The following ZNF804B variants were observed in gnomAD, a reference collection of about 807,000 sequenced individuals.
The protein encoded by ZNF804B is zinc finger protein 804B.
In ZNF804B, 80 loss-of-function variants were observed where a neutral mutation model predicts 101.4. The observed-to-expected ratio is 0.79, with a 90% CI of 0.66 to 0.95. ZNF804B has a LOEUF of 0.95. ZNF804B is among the 40% of genes least tolerant of loss of function. The probability of loss-of-function intolerance (pLI) is 0.00; values close to 1 mark genes in which losing one functional copy is unlikely to be tolerated. For missense variants in ZNF804B, 1,673 were observed against 1,561.9 expected (o/e 1.07, Z -1.20); for synonymous variants, 622 against 558.8 (o/e 1.11, Z -1.59).
At chr7:88,818,015 A>C (rs1394128654) in intron 1 of ZNF804B, among the ~76,000 whole-genome samples, 3 of 152,122 alleles carry the variant, frequency 2.0e-5, no homozygotes, top group Non-Finnish European at 4.4e-5. Flanking sequence ...AGTGCTTGGC[A>C]TTGTGCTCAG....
intron 1 of ZNF804B, among the ~76,000 whole-genome samples, chr7:89,104,275 C>T (rs1790102277): frequency 6.6e-6 from 1 of 151,964 alleles, no homozygotes; most frequent in South Asian, 2.1e-4. Flanking sequence ...GATCTCTCCT[C>T]TTCAATTTCT....
intron 1 of ZNF804B, among the ~76,000 whole-genome samples, chr7:88,887,883 T>A (rs1047646953): frequency 2.0e-5 from 3 of 152,142 alleles, no homozygotes; most frequent in Admixed American, 6.6e-5. Flanking sequence ...TACATTTGCT[T>A]ATATATGTAT....
chr7:89,018,981 T>A (rs868329036), intron 1 of ZNF804B, among the ~76,000 whole-genome samples: 4 of 152,020 alleles, frequency 2.6e-5, no homozygotes, highest in African/African-American at 9.7e-5. Flanking sequence ...GTCTCAGTTT[T>A]GTTTAGTTCT....
intron 1 of ZNF804B, among the ~76,000 whole-genome samples, chr7:89,007,619 TTATA>T (rs1788390377): frequency 2.1e-5 from 3 of 142,266 alleles, no homozygotes; most frequent in Non-Finnish European, 4.5e-5. Context: ...TTATATATAT[TTATA>T]AATATATATA....
chr7:88,816,069 C>T (rs978121322), intron 1 of ZNF804B, among the ~76,000 whole-genome samples: 29 of 151,968 alleles, frequency 1.9e-4, no homozygotes, highest in African/African-American at 5.3e-4. Flanking sequence ...GGATATCCTC[C>T]GCACCCAACT....
chr7:89,336,271 A>T lies in ZNF804B; in HGVS notation c.3289A>T (p.Asn1097Tyr). 1 of 1,613,816 alleles carries T rather than the reference A, an allele frequency of 6.2e-7. No individual in the cohort carries two copies. Among genetic ancestry groups the T allele is most frequent in the South Asian group, 1.1e-5 (1 of 91,088 alleles). Reference protein sequence around the residue: ...DSTETQEDQINLDLQDVSMHI... With the variant: ...DSTETQEDQIYLDLQDVSMHI... ...AACAGAGACCCAAGAAGACCAAATA[A>T]ATCTAGACTTACAGGATGTAAGCAT... The change falls in exon 4 of 4, where the codon AAT (asparagine) becomes TAT (tyrosine). Residue 1097 changes from asparagine (N) to tyrosine (Y), a missense_variant. Asn to Tyr is a moderately radical substitution (Grantham distance 143, BLOSUM62 -2). Coordinates refer to ENST00000333190, the MANE Select transcript of ZNF804B (RefSeq NM_181646.5).
At chr7:89,104,201 T>G (rs941152139) in intron 1 of ZNF804B, among the ~76,000 whole-genome samples, 5 of 152,038 alleles carry the variant, frequency 3.3e-5, no homozygotes, top group Admixed American at 6.6e-5. Flanking sequence ...CTTTTTTTGT[T>G]GTTGTGTCCT....
At position 89,112,651 on chromosome 7, in the gene ZNF804B, C is replaced by A. The variant is rs541911826; in HGVS notation, c.109-105504C>A. Among the ~76,000 whole-genome samples the A allele has an allele frequency of 2.6e-5, 4 of 152,186 alleles. No homozygotes were observed. In the South Asian group the frequency reaches 8.3e-4, roughly 32 times the overall value. ...TCTAGAATCAGTTTGTCAATAAACA[C>A]AAAGTAATTTGCTGGGATTTTGATT... is the stretch of plus-strand genomic sequence containing the variant. On this transcript the variant is annotated intron_variant, in intron 1 of 3. Coordinates refer to ENST00000333190, the MANE Select transcript of ZNF804B (RefSeq NM_181646.5).
At chr7:89,065,967 G>A (rs931820066) in intron 1 of ZNF804B, among the ~76,000 whole-genome samples, 3 of 152,072 alleles carry the variant, frequency 2.0e-5, no homozygotes, top group Non-Finnish European at 2.9e-5. Context: ...TGTAAATTTT[G>A]AGGATTAGAA....
chr7:89,072,687 T>G (rs2116300034), intron 1 of ZNF804B, among the ~76,000 whole-genome samples: 1 of 152,260 alleles, frequency 6.6e-6, no homozygotes, highest in Non-Finnish European at 1.5e-5. Flanking sequence ...GACATGAGAC[T>G]ATGTAAATAT....
At chr7:89,012,511 T>C (rs1212477716) in intron 1 of ZNF804B, among the ~76,000 whole-genome samples, 2 of 152,180 alleles carry the variant, frequency 1.3e-5, no homozygotes, top group Non-Finnish European at 2.9e-5. Context: ...CAAAATTCCA[T>C]AAATCTCTAG....
chr7:89,220,634 G>A (rs1788990826), intron 2 of ZNF804B, among the ~76,000 whole-genome samples: 1 of 151,816 alleles, frequency 6.6e-6, no homozygotes, highest in Non-Finnish European at 1.5e-5. Flanking sequence ...ATATGGTCAT[G>A]CTTTAAAATT....
At chr7:88,800,635 T>C (rs1041581303) in intron 1 of ZNF804B, among the ~76,000 whole-genome samples, 5 of 151,956 alleles carry the variant, frequency 3.3e-5, no homozygotes, top group African/African-American at 1.2e-4. Flanking sequence ...TTTGGAAACA[T>C]TTAAATTTGG....
intron 1 of ZNF804B, among the ~76,000 whole-genome samples, chr7:89,033,077 G>A (rs1324597156): frequency 6.7e-6 from 1 of 150,120 alleles, no homozygotes; most frequent in African/African-American, 2.4e-5. Context: ...TCTAATTGAG[G>A]CTTTGTATCC....
rs576611586 is a variant in ZNF804B at position 88,927,009 on chromosome 7, G to A, written c.108+166925G>A. Reference sequence around the variant, plus strand: ...GCTCCTCAAAAGAATTAAAAAGTGAGTGGCAGCGCATACATTTTGGGGACT... The same window carrying A: ...GCTCCTCAAAAGAATTAAAAAGTGAATGGCAGCGCATACATTTTGGGGACT... On this transcript the variant is annotated intron_variant, in intron 1 of 3. Coordinates refer to ENST00000333190, the MANE Select transcript of ZNF804B (RefSeq NM_181646.5). 5.9e-5 allele frequency among the ~76,000 whole-genome samples: 9 copies of A among 151,528 alleles called. No homozygotes were observed. The South Asian group carries it at 1.7e-3, about 28-fold the overall frequency.
chr7:88,955,873 G>A (rs1033859937), intron 1 of ZNF804B, among the ~76,000 whole-genome samples: 12 of 151,516 alleles, frequency 7.9e-5, no homozygotes, highest in Admixed American at 2.6e-4. Flanking sequence ...CTAATATCCA[G>A]AATATACGAG....
intron 2 of ZNF804B, among the ~76,000 whole-genome samples, chr7:89,299,743 G>T (rs565551115): frequency 1.3e-4 from 20 of 152,094 alleles, no homozygotes; most frequent in African/African-American, 4.8e-4. Context: ...TGTCCTAAGA[G>T]ACTGAGGGTT....
chr7:89,076,707 A>G (rs939362260), intron 1 of ZNF804B, among the ~76,000 whole-genome samples: 1 of 152,222 alleles, frequency 6.6e-6, no homozygotes, highest in African/African-American at 2.4e-5. Flanking sequence ...ATAAATTAAA[A>G]TATTGTAGCT....
intron 1 of ZNF804B, among the ~76,000 whole-genome samples, chr7:89,015,909 C>T (rs1329874075): frequency 6.6e-6 from 1 of 151,058 alleles, no homozygotes; most frequent in East Asian, 1.9e-4. Context: ...GAGGAATCGC[C>T]ACACTGACTT....
Sources: allele counts gnomAD v4.1 joint callset (sites outside exome capture counted in the v4.1 genomes callset), GRCh38; gene constraint gnomAD v4.1.1; transcripts MANE v1.5; gene names NCBI Gene and HGNC (gene_info 2026-07-23, HGNC 2026-07-21).